MTHFD1L: variants seen among roughly 807,000 people sequenced by gnomAD.
MTHFD1L encodes the protein methylenetetrahydrofolate dehydrogenase (NADP+ dependent) 1 like, also known as monofunctional C1-tetrahydrofolate synthase, mitochondrial.
Under a neutral mutation model 119.5 loss-of-function variants are expected in MTHFD1L, and 81 were observed. The ratio of observed to expected loss-of-function variants is 0.68; its 90% CI spans 0.57 to 0.82. The LOEUF (loss-of-function observed/expected upper bound fraction) is 0.82. Ranked by LOEUF, MTHFD1L falls within the 40% of genes least tolerant of loss-of-function variation. MTHFD1L has a pLI of 0.00. For missense variants in MTHFD1L, 1,125 were observed against 1,253.4 expected, an observed-to-expected ratio of 0.90 and a Z score of 1.55; for synonymous variants, 430 against 475.2, an observed-to-expected ratio of 0.90 and a Z score of 1.24.
At chr6:150,917,061 G>A (rs182057939) in intron 8 of MTHFD1L, among the ~76,000 whole-genome samples, 5 of 151,082 alleles carry the variant, frequency 3.3e-5, no homozygotes, top group South Asian at 2.1e-4. Context: ...ATGCCTGGCC[G>A]GTTCTATAAC....
chr6:150,900,086 G>A (rs1032863164), intron 7 of MTHFD1L, among the ~76,000 whole-genome samples: 3 of 151,446 alleles, frequency 2.0e-5, no homozygotes, highest in Non-Finnish European at 4.4e-5. Flanking sequence ...CTGCCTGAAT[G>A]AAATCTCCAT....
In MTHFD1L at chr6:150,915,966, G is replaced by A. The variant is rs17080487; in HGVS notation, c.893-2611G>A. ...TTGAGAGAGGCCCGTTTGTGGACAC[G>A]ATCTTAAGTACAGATCTCTAGTGGT... On this transcript the variant is annotated intron_variant, in intron 8 of 27. Transcript: ENST00000367321. Among the ~76,000 whole-genome samples, 1,066 of 152,224 alleles carry A rather than the reference G, an allele frequency of 7.0e-3. 8 individuals are homozygous for A. The highest frequency in any genetic ancestry group is 0.024 in the African/African-American group (1,006 of 41,534).
At chr6:150,996,809 TG>T (rs55779499) in intron 20 of MTHFD1L, among the ~76,000 whole-genome samples, 29,557 of 152,072 alleles carry the variant, frequency 0.19, 2,977 homozygotes, top group Middle Eastern at 0.29. Flanking sequence ...AAAGTAGGCG[TG>T]TAGAAGCAGG....
chr6:151,032,791 T>A (rs945594677), intron 24 of MTHFD1L, among the ~76,000 whole-genome samples: 2 of 152,224 alleles, frequency 1.3e-5, no homozygotes, highest in Admixed American at 1.3e-4. Context: ...CATTTCTTTT[T>A]ATTTGTTAGA....
At chr6:150,985,601 C>T (rs753075721) in intron 20 of MTHFD1L, among the ~76,000 whole-genome samples, 15 of 133,930 alleles carry the variant, frequency 1.1e-4, no homozygotes, top group Non-Finnish European at 2.1e-4. Context: ...GTGGAGGTTG[C>T]GGTGAGCCAA....
chr6:150,987,851 A>T (rs1482912524), intron 20 of MTHFD1L, among the ~76,000 whole-genome samples: 3 of 152,236 alleles, frequency 2.0e-5, no homozygotes, highest in African/African-American at 4.8e-5. Flanking sequence ...GAACACAGGC[A>T]TATTTTCCAT....
chr6:150,871,485 C>CCAAG (rs1779480100), intron 1 of MTHFD1L, among the ~76,000 whole-genome samples: 1 of 146,916 alleles, frequency 6.8e-6, no homozygotes, highest in Non-Finnish European at 1.5e-5. Flanking sequence ...TTGATATCAA[C>CCAAG]TACTGTAATC....
At chr6:151,032,230 A>G (rs1785436062) in intron 24 of MTHFD1L, among the ~76,000 whole-genome samples, 1 of 152,218 alleles carries the variant, frequency 6.6e-6, no homozygotes. Flanking sequence ...AAAGTAGTTT[A>G]TTTTGGCTCA....
At chr6:151,034,697 C>T (rs773843012) in intron 25 of MTHFD1L, 97 bp downstream of exon 25, 51 of 775,784 alleles carry the variant, frequency 6.6e-5, no homozygotes, top group Non-Finnish European at 9.4e-5. Context: ...CACCAGCTAA[C>T]CTTTGCTTAA....
At chr6:151,014,429 T>C (rs1229399060) in intron 22 of MTHFD1L, among the ~76,000 whole-genome samples, 1 of 152,164 alleles carries the variant, frequency 6.6e-6, no homozygotes, top group African/African-American at 2.4e-5. Context: ...TCATGGAAGG[T>C]CTATATACAG....
intron 8 of MTHFD1L, among the ~76,000 whole-genome samples, chr6:150,917,936 C>A (rs1224407094): frequency 6.6e-6 from 1 of 152,126 alleles, no homozygotes; most frequent in Non-Finnish European, 1.5e-5. Flanking sequence ...AATACTTGGG[C>A]TCGTGTGAAG....
intron 1 of MTHFD1L, among the ~76,000 whole-genome samples, chr6:150,874,922 G>A (rs1430585831): frequency 6.6e-6 from 1 of 151,988 alleles, no homozygotes; most frequent in Non-Finnish European, 1.5e-5. Flanking sequence ...GCTAATTTTT[G>A]TATTTCTGGT....
At chr6:151,095,497 A>G (rs1293717900) in intron 27 of MTHFD1L, among the ~76,000 whole-genome samples, 1 of 152,226 alleles carries the variant, frequency 6.6e-6, no homozygotes, top group Non-Finnish European at 1.5e-5. Context: ...TATAAGTCCA[A>G]TTATACCTTA....
intron 26 of MTHFD1L, among the ~76,000 whole-genome samples, chr6:151,065,918 G>A (rs1791180699): frequency 6.6e-6 from 1 of 152,210 alleles, no homozygotes; most frequent in Non-Finnish European, 1.5e-5. Flanking sequence ...TCTCACACAG[G>A]CAAAGACTAC....
chr6:150,990,433 C>T (rs1330013568), intron 20 of MTHFD1L, among the ~76,000 whole-genome samples: 1 of 151,952 alleles, frequency 6.6e-6, no homozygotes, highest in African/African-American at 2.4e-5. Flanking sequence ...GATAAGATGA[C>T]ATTTTATTTT....
chr6:150,922,222 A>G lies in MTHFD1L; in HGVS notation c.1002A>G (p.Gly334=). The G allele has an allele frequency of 1.2e-6, 2 of 1,613,990 alleles. No homozygotes were observed. Among genetic ancestry groups the G allele is most frequent in the Non-Finnish European group, 1.7e-6 (2 of 1,179,880 alleles). Reference sequence around the variant, plus strand: ...TGCTGAAGAACATGGTCAGTAGTGGAAGGAGATGGCTTCGTGAACAGCAGC... The same window carrying G: ...TGCTGAAGAACATGGTCAGTAGTGGGAGGAGATGGCTTCGTGAACAGCAGC... ...ALRIQNMVSS[G]RRWLREQQHR... is the part of the protein sequence containing the mutation. Residue 334 remains glycine (G), a synonymous_variant, in exon 10 of 28, where the codon GGA becomes GGG. Transcript: ENST00000367321.
intron 26 of MTHFD1L, among the ~76,000 whole-genome samples, chr6:151,049,870 G>A (rs901758126): frequency 6.6e-6 from 1 of 152,128 alleles, no homozygotes; most frequent in Non-Finnish European, 1.5e-5. Context: ...CTCAGGGGCA[G>A]GCCTCTGACC....
intron 20 of MTHFD1L, among the ~76,000 whole-genome samples, chr6:150,977,596 T>C (rs927698615): frequency 1.3e-5 from 2 of 152,228 alleles, no homozygotes; most frequent in Non-Finnish European, 2.9e-5. Context: ...AAAAGCAGTA[T>C]TGAGTTCCTG....
In MTHFD1L at chr6:151,039,005, G is replaced by A. The variant is rs1157870707; in HGVS notation, c.2847+1888G>A. On this transcript the variant is annotated intron_variant, in intron 26 of 27. Coordinates refer to ENST00000367321, the MANE Select transcript of MTHFD1L (RefSeq NM_015440.5). This position sits in a 1 kb window ranked among gnomAD's most constrained non-coding sequence, Gnocchi z 4.4. ...CAGACACAGTGCTTCAAAGAAAGAG[G>A]CAGGAAGGTCACCCTGGTGGGTTTA... Among the ~76,000 whole-genome samples the A allele has an allele frequency of 6.6e-6, 1 of 152,158 alleles. No homozygotes were observed. The highest frequency in any genetic ancestry group is 6.5e-5 in the Admixed American group (1 of 15,274).
Sources: gnomAD v4.1 joint callset for allele counts (sites outside exome capture counted in the v4.1 genomes callset) on GRCh38, gnomAD v4.1.1 for gene constraint, Gnocchi (gnomAD v3.1) non-coding constraint, MANE v1.5 for transcripts, NCBI Gene and HGNC (gene_info 2026-07-23, HGNC 2026-07-21) for gene names.